The following SEC24C variants were observed in gnomAD, a reference collection of about 807,000 sequenced individuals.
SEC24C encodes the protein protein transport protein Sec24C.
A neutral mutation model predicts 117.0 loss-of-function variants in SEC24C; 22 were observed. That is an observed-to-expected ratio of 0.19 (90% CI 0.13 to 0.27). The LOEUF is 0.27. SEC24C is among the 10% of genes least tolerant of loss of function. SEC24C has a pLI of 1.00. For synonymous variants in SEC24C, 506 were observed against 529.4 expected (o/e 0.96, Z 0.61); for missense variants, 1,155 against 1,375.1 (o/e 0.84, Z 2.53).
At chr10:73,748,050 C>T (rs2082585528) in intron 2 of SEC24C, among the ~76,000 whole-genome samples, 1 of 152,214 alleles carries the variant, frequency 6.6e-6, no homozygotes, top group Non-Finnish European at 1.5e-5. Flanking sequence ...CAGCCTTGGC[C>T]TCCCAAAATG....
At position 73,770,564 on chromosome 10, in the gene SEC24C, A is replaced by G; in HGVS notation, c.3054+93A>G. The G allele has an allele frequency of 2.0e-6, 3 of 1,523,822 alleles. No homozygotes were observed. In the Admixed American group the frequency reaches 5.0e-5, roughly 25 times the overall value. The allele number at this position is 1,523,822 out of a possible 1,614,324, so 94.4% of individuals were successfully genotyped here. A position where few individuals can be genotyped will look rare whatever the true frequency, so the allele number is the denominator to read the frequency against. On this transcript the variant is annotated intron_variant, in intron 21 of 22. Transcript: ENST00000345254. ...ATAGTTAGTGTGCTAGTACCCTCAA[A>G]TATCAGGGAACACTTGGGGACAAGG...
chr10:73,754,387 C>T (rs1390168123), intron 3 of SEC24C, among the ~76,000 whole-genome samples: 1 of 152,162 alleles, frequency 6.6e-6, no homozygotes, highest in African/African-American at 2.4e-5. Context: ...TGCACTCCAT[C>T]CTGGGCGACA....
At chr10:73,759,579 G>A (rs773676630) in intron 3 of SEC24C, 43 bp from the exon 4 acceptor site, 2 of 1,454,388 alleles carry the variant, frequency 1.4e-6, no homozygotes, top group African/African-American at 2.9e-5. Context: ...TTCAAAGGGT[G>A]TCCTGGCCCC....
In SEC24C at chr10:73,769,289, G is replaced by A. The variant is rs1313128872; in HGVS notation, c.2425-58G>A. 1.9e-6 allele frequency: 3 copies of A among 1,603,476 alleles called. No individual in the cohort carries two copies. Among genetic ancestry groups the A allele is most frequent in the African/African-American group, 2.7e-5 (2 of 74,678 alleles). On this transcript the variant is annotated intron_variant, in intron 17 of 22. Transcript: ENST00000345254. The surrounding 1 kb of genome is among the most constrained non-coding windows in gnomAD (Gnocchi z 4.5). ...CATTTCTCTCTTCCAGTTTAATAGTGTAGCAAAGGGCCTTTGTGAGGGAGG... is the reference window on the plus strand; with the variant it reads ...CATTTCTCTCTTCCAGTTTAATAGTATAGCAAAGGGCCTTTGTGAGGGAGG...
At chr10:73,759,873 T>C in intron 4 of SEC24C, 79 bp downstream of exon 4, 1 of 1,487,444 alleles carries the variant, frequency 6.7e-7, no homozygotes, top group Non-Finnish European at 9.0e-7. Context: ...TGAATCTCTT[T>C]TATTTCCCTT....
chr10:73,751,297 A>G (rs1322585472), intron 3 of SEC24C, 54 bp downstream of exon 3: 2 of 1,549,248 alleles, frequency 1.3e-6, no homozygotes, highest in Admixed American at 3.6e-5. Context: ...GCAGTGGCTC[A>G]TGCCTGTAAT....
rs2082618166 is a variant in SEC24C, at chr10:73,749,737, T to TTTC, written c.173-1370_173-1368dup. On this transcript the variant is annotated intron_variant, in intron 2 of 22. Transcript: ENST00000345254. The stretch of plus-strand genomic sequence containing the variant: ...TTTTATATTTTTAGTAGAGACAGGG[T>TTTC]TTCACCATGTTGGCCAGGCTGGTCT... Among the ~76,000 whole-genome samples, 3 of 152,148 alleles carry TTTC rather than the reference T, an allele frequency of 2.0e-5. No individual in the cohort carries two copies. In the South Asian group the frequency reaches 6.2e-4, roughly 32 times the overall value.
At chr10:73,759,563 G>A (rs950548688) in intron 3 of SEC24C, 59 bp from the exon 4 acceptor site, 3 of 1,344,734 alleles carry the variant, frequency 2.2e-6, no homozygotes, top group East Asian at 2.7e-5. Flanking sequence ...TGACACTTCT[G>A]TAGACTTCAA....
rs2082984854 is a variant in SEC24C, at chr10:73,771,645, T to G, written c.*550T>G. The G allele has an allele frequency of 6.4e-6, 1 of 156,528 alleles. No individual in the cohort carries two copies. The highest frequency in any genetic ancestry group is 2.4e-5 in the African/African-American group (1 of 41,458). 9.7% of individuals were successfully genotyped at this position (156,528 alleles called of 1,614,324 possible). A position where few individuals can be genotyped will look rare whatever the true frequency, so the allele number is the denominator to read the frequency against. On this transcript the variant is annotated 3_prime_UTR_variant, in exon 23 of 23. Coordinates refer to ENST00000345254, the MANE Select transcript of SEC24C (RefSeq NM_198597.3). Reference sequence around the variant, plus strand: ...TTCTCTGCTTTCACTGCTCGCTCGCTCTCTCCTGCAATGATTGATGATCAC... The same window carrying G: ...TTCTCTGCTTTCACTGCTCGCTCGCGCTCTCCTGCAATGATTGATGATCAC...
Position 73,768,988 on chromosome 10 carries a change from C to A in SEC24C, c.2279-19C>A, listed in dbSNP as rs369499988. 11 of 1,614,138 alleles carry A rather than the reference C, an allele frequency of 6.8e-6. No individual in the cohort carries two copies. Among genetic ancestry groups the A allele is most frequent in the Non-Finnish European group, 9.3e-6 (11 of 1,180,028 alleles). ...CACTTGTCATACTTTTTGCCCTGACCCTGTCCATGTGGCCTCAGGTATCCG... is the reference window on the plus strand; with the variant it reads ...CACTTGTCATACTTTTTGCCCTGACACTGTCCATGTGGCCTCAGGTATCCG... On this transcript the variant is annotated intron_variant, in intron 16 of 22. Transcript: ENST00000345254.
At chr10:73,752,014 C>T (rs974007143) in intron 3 of SEC24C, 1 of 152,194 alleles carries the variant, frequency 6.6e-6, no homozygotes, top group African/African-American at 2.4e-5. Context: ...AAAAGGGAAA[C>T]CACATAAATG....
intron 6 of SEC24C, among the ~76,000 whole-genome samples, chr10:73,761,324 T>C (rs2082793241): frequency 6.6e-6 from 1 of 152,222 alleles, no homozygotes; most frequent in Non-Finnish European, 1.5e-5. Context: ...CCAGTACTTT[T>C]GTTTGGTAGG....
chr10:73,760,513 GTAT>G (rs1386892662), intron 5 of SEC24C, 127 bp downstream of exon 5: 26 of 1,259,722 alleles, frequency 2.1e-5, no homozygotes, highest in Non-Finnish European at 2.8e-5. Flanking sequence ...TAGCTTCAGG[GTAT>G]TATTCCTAGG....
At chr10:73,762,698 C>T (rs1434577560) in intron 6 of SEC24C, among the ~76,000 whole-genome samples, 1 of 152,146 alleles carries the variant, frequency 6.6e-6, no homozygotes, top group African/African-American at 2.4e-5. Context: ...AAGCTTCAAC[C>T]TTTCTGCTAT....
At chr10:73,747,102 G>A (rs761183292) in intron 2 of SEC24C, 98 bp downstream of exon 2, 3 of 1,148,252 alleles carry the variant, frequency 2.6e-6, no homozygotes, top group Non-Finnish European at 3.6e-6. Flanking sequence ...TGAGAAGTTT[G>A]GATAACTGGG....
chr10:73,765,994 C>T, intron 10 of SEC24C, 79 bp downstream of exon 10: 12 of 1,587,082 alleles, frequency 7.6e-6, no homozygotes, highest in Admixed American at 6.8e-5. Context: ...ATTTCCCTCA[C>T]CCCTTTTTTG....
At chr10:73,748,026 C>T (rs758161847) in intron 2 of SEC24C, among the ~76,000 whole-genome samples, 2 of 152,098 alleles carry the variant, frequency 1.3e-5, no homozygotes, top group Non-Finnish European at 2.9e-5. Flanking sequence ...AACTGCTGAC[C>T]TCAAATGATC....
chr10:73,764,211 G>C (rs1305013742), intron 8 of SEC24C, among the ~76,000 whole-genome samples: 2 of 152,100 alleles, frequency 1.3e-5, no homozygotes, highest in African/African-American at 4.8e-5. Context: ...AGTCTCTAGA[G>C]GAAACAAGCA....
At position 73,769,807 on chromosome 10, in the gene SEC24C, C is replaced by T. The variant is rs749785443; in HGVS notation, c.2683-29C>T. 1 of 1,612,728 alleles carries T rather than the reference C, an allele frequency of 6.2e-7. No homozygotes were observed. The highest frequency in any genetic ancestry group is 1.7e-5 in the Admixed American group (1 of 60,010). ...GCATTTGGGAGGGATTTCTCATGAT[C>T]ATTGACTTTATTTTGATAATCCCCT... On this transcript the variant is annotated intron_variant, in intron 19 of 22. Coordinates refer to ENST00000345254, the MANE Select transcript of SEC24C (RefSeq NM_198597.3). The surrounding 1 kb of genome is among the most constrained non-coding windows in gnomAD (Gnocchi z 4.5).
Sources: gnomAD v4.1 joint callset for allele counts (sites outside exome capture counted in the v4.1 genomes callset) on GRCh38, gnomAD v4.1.1 for gene constraint, Gnocchi (gnomAD v3.1) non-coding constraint, MANE v1.5 for transcripts, NCBI Gene and HGNC (gene_info 2026-07-23, HGNC 2026-07-21) for gene names.